SMC3: variants seen among roughly 807,000 people sequenced by gnomAD.
SMC3 encodes the protein structural maintenance of chromosomes protein 3.
In SMC3, 20 loss-of-function variants were observed where a neutral mutation model predicts 171.8. The observed-to-expected ratio is 0.12, with a 90% confidence interval of 0.08 to 0.17. The LOEUF (loss-of-function observed/expected upper bound fraction) is 0.17, where lower values mean the gene tolerates loss of function less well. Ranked by LOEUF, SMC3 falls within the 10% of genes least tolerant of loss-of-function variation. SMC3 has a pLI of 1.00. For missense variants in SMC3, 543 were observed against 1,420.4 expected (o/e 0.38, Z 9.93); for synonymous variants, 464 against 451.1 (o/e 1.03, Z -0.36).
At chr10:110,591,224 C>T in intron 17 of SMC3, 92 bp downstream of exon 17, 2 of 1,238,810 alleles carry the variant, frequency 1.6e-6, no homozygotes, top group East Asian at 2.4e-5. Flanking sequence ...GCACTATACA[C>T]TGGGATTCAG....
chr10:110,581,630 C>G (rs1195063956), intron 8 of SMC3, among the ~76,000 whole-genome samples: 1 of 152,170 alleles, frequency 6.6e-6, no homozygotes, highest in Non-Finnish European at 1.5e-5. Context: ...AATAAAGGAT[C>G]TTAACCCATT....
chr10:110,602,254 T>G (rs1402866514), intron 25 of SMC3, 76 bp downstream of exon 25: 2 of 1,394,742 alleles, frequency 1.4e-6, no homozygotes, highest in East Asian at 4.6e-5. Context: ...GTAAAGATTT[T>G]AAAGCTGTTT....
intron 18 of SMC3, among the ~76,000 whole-genome samples, chr10:110,594,465 T>C (rs1425724051): frequency 1.3e-5 from 2 of 152,178 alleles, no homozygotes; most frequent in African/African-American, 4.8e-5. Context: ...AGCTCTTCTT[T>C]TGGTAGTCAC....
At chr10:110,579,796 G>GAT (rs1861005645) in intron 7 of SMC3, among the ~76,000 whole-genome samples, 1 of 152,126 alleles carries the variant, frequency 6.6e-6, no homozygotes, top group East Asian at 1.9e-4. Context: ...GGATCTGAAG[G>GAT]ATGATTCTTT....
intron 17 of SMC3, 46 bp from the exon 18 acceptor site, chr10:110,593,027 A>C: frequency 6.9e-7 from 1 of 1,450,020 alleles, no homozygotes; most frequent in Non-Finnish European, 9.7e-7. Flanking sequence ...CTAAGTTCTT[A>C]GTTAACTGTG....
rs185965553 is a variant in SMC3, at chr10:110,592,961, A to T, written c.1813-112A>T. The T allele has an allele frequency of 3.0e-3, 2,769 of 922,370 alleles. 11 individuals carry two copies. Among genetic ancestry groups the T allele is most frequent in the South Asian group, 4.5e-3 (321 of 71,620 alleles). 57.1% of individuals were successfully genotyped at this position (922,370 alleles called of 1,614,324 possible). A position where few individuals can be genotyped will look rare whatever the true frequency, so the allele number is the denominator to read the frequency against. On this transcript the variant is annotated intron_variant, in intron 17 of 28. Transcript: ENST00000361804. ...TTCAGGGAAAACGCCAATCGTTTTG[A>T]AATATAATGGTGTTTATGGTTTATT...
At chr10:110,583,644 T>G (rs1861064607) in intron 11 of SMC3, 96 bp downstream of exon 11, 1 of 1,369,276 alleles carries the variant, frequency 7.3e-7, no homozygotes, top group South Asian at 1.2e-5. Context: ...GTTGGAATTT[T>G]TTTTTAAGCT....
rs768705307 is a variant in SMC3, at chr10:110,596,483, A to G, written c.2049A>G (p.Arg683=). 1.2e-6 allele frequency: 2 copies of G among 1,614,102 alleles called. No homozygotes were observed. Among genetic ancestry groups the G allele is most frequent in the Non-Finnish European group, 1.7e-6 (2 of 1,179,996 alleles). The change falls in exon 19 of 29, where the codon AGA becomes AGG. Residue 683 remains arginine (R), a synonymous_variant. Transcript: ENST00000361804. ...KSRLELQKDV[R]KAEEELGELE... ...GACTTGAATTGCAAAAAGATGTTAG[A>G]AAAGCAGAAGAAGAACTAGGTGAAC...
At chr10:110,597,525 T>TTTTAAAA (rs1861318936) in intron 19 of SMC3, among the ~76,000 whole-genome samples, 1 of 152,240 alleles carries the variant, frequency 6.6e-6, no homozygotes, top group Non-Finnish European at 1.5e-5. Context: ...ATTTATAACT[T>TTTTAAAA]CTGTGCCATC....
intron 17 of SMC3, among the ~76,000 whole-genome samples, chr10:110,592,105 A>G (rs1158621404): frequency 6.6e-6 from 1 of 152,052 alleles, no homozygotes; most frequent in Non-Finnish European, 1.5e-5. Context: ...CTCTACTAAA[A>G]ATACAAAAAA....
At chr10:110,581,077 CAG>C (rs759121395) in intron 8 of SMC3, 56 bp downstream of exon 8, 5 of 917,578 alleles carry the variant, frequency 5.4e-6, no homozygotes, top group South Asian at 1.3e-5. Context: ...GTTTTTGTGA[CAG>C]AGTGGCTCCA....
In SMC3 at chr10:110,596,866, T is replaced by G. The variant is rs978553172; in HGVS notation, c.2116+316T>G. Reference sequence around the variant, plus strand: ...TGTACAAGTAAAACCTTGGTAGTTTTTTTTTTTTTCCCTTCTTCCCTGTTG... The same window carrying G: ...TGTACAAGTAAAACCTTGGTAGTTTGTTTTTTTTTCCCTTCTTCCCTGTTG... On this transcript the variant is annotated intron_variant, in intron 19 of 28. Transcript: ENST00000361804. Among the ~76,000 whole-genome samples, 268 of 152,086 alleles carry G rather than the reference T, an allele frequency of 1.8e-3. 1 individual carries two copies. The highest frequency in any genetic ancestry group is 6.3e-3 in the African/African-American group (261 of 41,512).
chr10:110,591,594 T>TA (rs1861205069), intron 17 of SMC3, among the ~76,000 whole-genome samples: 2 of 152,214 alleles, frequency 1.3e-5, no homozygotes, highest in African/African-American at 4.8e-5. Flanking sequence ...AGTAAGGTGA[T>TA]AGACTTCGGA....
At position 110,597,337 on chromosome 10, in the gene SMC3, T is replaced by C. The variant is rs564767818; in HGVS notation, c.2116+787T>C. On this transcript the variant is annotated intron_variant, in intron 19 of 28. Coordinates refer to ENST00000361804, the MANE Select transcript of SMC3 (RefSeq NM_005445.4). ...TTAGTTCAGTTCACAAATGAAACAA[T>C]TGTATATGTGGATTTTCTTAAAACC... Among the ~76,000 whole-genome samples, 23 of 151,698 alleles carry C rather than the reference T, an allele frequency of 1.5e-4. No homozygotes were observed. In the South Asian group the frequency reaches 1.7e-3, roughly 11 times the overall value.
At chr10:110,592,454 C>T (rs1340545861) in intron 17 of SMC3, among the ~76,000 whole-genome samples, 1 of 152,056 alleles carries the variant, frequency 6.6e-6, no homozygotes, top group Non-Finnish European at 1.5e-5. Flanking sequence ...TATTAATTTA[C>T]ACTGAATACT....
chr10:110,576,936 G>T (rs923934098), intron 4 of SMC3, among the ~76,000 whole-genome samples: 1 of 151,970 alleles, frequency 6.6e-6, no homozygotes, highest in Admixed American at 6.6e-5. Flanking sequence ...ACAGACTTTT[G>T]GTAATTATCC....
intron 1 of SMC3, 142 bp downstream of exon 1, chr10:110,567,973 G>C (rs1860800248): frequency 9.6e-7 from 1 of 1,046,484 alleles, no homozygotes. Context: ...GGGGAGGAGG[G>C]AGACCCGGGT....
At position 110,580,891 on chromosome 10, in the gene SMC3, C is replaced by T. The variant is rs983452922; in HGVS notation, c.430-13C>T. ...CTACAGCTATGTAATGATTATTTTTCTAAAAATTTTAGATCAACCAGATGG... is the reference window on the plus strand; with the variant it reads ...CTACAGCTATGTAATGATTATTTTTTTAAAAATTTTAGATCAACCAGATGG... On this transcript the variant is annotated splice_polypyrimidine_tract_variant and intron_variant, in intron 7 of 28. Transcript: ENST00000361804. 1 of 1,425,106 alleles carries T rather than the reference C, an allele frequency of 7.0e-7. No homozygotes were observed. The highest frequency in any genetic ancestry group is 9.9e-7 in the Non-Finnish European group (1 of 1,007,554). The allele number at this position is 1,425,106 out of a possible 1,614,324, so 88.3% of individuals were successfully genotyped here.
chr10:110,579,252 AT>A (rs1384934226), intron 7 of SMC3, among the ~76,000 whole-genome samples: 1 of 152,090 alleles, frequency 6.6e-6, no homozygotes, highest in Non-Finnish European at 1.5e-5. Flanking sequence ...ATATTCACTT[AT>A]TTTATACTGT....
Sources: gnomAD v4.1 joint callset for allele counts (sites outside exome capture counted in the v4.1 genomes callset) on GRCh38, gnomAD v4.1.1 for gene constraint, MANE v1.5 for transcripts, NCBI Gene and HGNC (gene_info 2026-07-23, HGNC 2026-07-21) for gene names.